APOB: variants seen among roughly 807,000 people sequenced by gnomAD.
APOB encodes the protein apolipoprotein B-100.
APOB carries 153 observed loss-of-function variants against 314.1 expected under a neutral mutation model. The ratio of observed to expected loss-of-function variants is 0.49; its 90% confidence interval spans 0.43 to 0.56. The LOEUF (loss-of-function observed/expected upper bound fraction) is 0.56. APOB is among the 20% of genes least tolerant of loss of function. The probability of loss-of-function intolerance (pLI) is 0.00; values close to 1 mark genes in which losing one functional copy is unlikely to be tolerated. For synonymous variants in APOB, 2,087 were observed against 2,036.4 expected, an observed-to-expected ratio of 1.02 and a Z score of -0.67; for missense variants, 5,430 against 5,350.7, an observed-to-expected ratio of 1.01 and a Z score of -0.46.
Position 21,033,392 on chromosome 2 carries a change from C to T in APOB, c.1031G>A (p.Arg344Lys), listed in dbSNP as rs989270402. 2 of 1,614,048 alleles carry T rather than the reference C, an allele frequency of 1.2e-6. No individual in the cohort carries two copies. Among genetic ancestry groups the T allele is most frequent in the Non-Finnish European group, 1.7e-6 (2 of 1,180,030 alleles). ...KLTISEQNIQ[R>K]ANLFNKLVTE... is the part of the protein sequence containing the mutation. ...AACCAGCTTATTGAAGAGATTAGCTCTCTGGATATTTTGCTCAGAGATGGT... is the reference window on the plus strand; with the variant it reads ...AACCAGCTTATTGAAGAGATTAGCTTTCTGGATATTTTGCTCAGAGATGGT... Residue 344 changes from arginine to lysine, a missense_variant, in exon 9 of 29, where the codon AGA becomes AAA. Around this residue, in one of 3 missense-constraint regions of APOB, gnomAD observed 2,085 missense variants for 2,079.7 expected, o/e 1.00. Coordinates refer to ENST00000233242, the MANE Select transcript of APOB (RefSeq NM_000384.3).
rs200106845 is a variant in APOB, at chr2:21,010,212, C to T, written c.6656G>A (p.Arg2219His). The change falls in exon 26 of 29, where the codon CGT (arginine) becomes CAT (histidine). Residue 2219 changes from arginine to histidine, a missense_variant. Physicochemically the swap from Arg to His is conservative, Grantham distance 29. Around this residue, in one of 3 missense-constraint regions of APOB, gnomAD observed 3,281 missense variants for 3,171.0 expected, o/e 1.03. Coordinates refer to ENST00000233242, the MANE Select transcript of APOB (RefSeq NM_000384.3). The stretch of plus-strand genomic sequence containing the variant: ...ATGGATTGTTTTTACTAAATTTACA[C>T]GGATATGATAGTGCTCATCAAGACT... The part of the protein sequence containing the change: ...LKSLDEHYHI[R>H]VNLVKTIHDL... The T allele has an allele frequency of 1.2e-4, 194 of 1,588,046 alleles. 1 individual carries two copies. The South Asian group carries it at 1.4e-3, about 11-fold the overall frequency.
At chr2:21,026,722 A>T in intron 15 of APOB, 66 bp downstream of exon 15, 1 of 1,321,320 alleles carries the variant, frequency 7.6e-7, no homozygotes, top group Non-Finnish European at 1.1e-6. Context: ...TTCCATGCTT[A>T]GAAAAGAATT....
chr2:21,041,139 C>T lies in APOB; in HGVS notation c.238-56G>A. 9 of 1,575,114 alleles carry T rather than the reference C, an allele frequency of 5.7e-6. No homozygotes were observed. The South Asian group carries it at 9.1e-5, about 16-fold the overall frequency. On this transcript the variant is annotated intron_variant, in intron 3 of 28. Transcript: ENST00000233242. ...TTGTCTATCAAGAATGAGAGGTGGC[C>T]CCTGAAGCCCAGGGCTTAATCTCTA...
At chr2:21,016,413 G>A in intron 21 of APOB, 26 bp downstream of exon 21, 1 of 1,300,072 alleles carries the variant, frequency 7.7e-7, no homozygotes, top group Non-Finnish European at 1.1e-6. Context: ...TGCAGTGCAG[G>A]TCAGATGACC....
chr2:21,003,096 T>C lies in APOB; in HGVS notation c.12326A>G (p.Gln4109Arg), dbSNP rs757883562. 1 of 1,596,646 alleles carries C rather than the reference T, an allele frequency of 6.3e-7. No individual in the cohort carries two copies. Among genetic ancestry groups the C allele is most frequent in the Non-Finnish European group, 8.5e-7 (1 of 1,170,392 alleles). Reference sequence around the variant, plus strand: ...TTGATAAACCCACTCAGCATTGTTCTGCAGATTTCTTCTCAGCTTTGAAGA... The same window carrying C: ...TTGATAAACCCACTCAGCATTGTTCCGCAGATTTCTTCTCAGCTTTGAAGA... ...EVSSKLRRNL[Q>R]NNAEWVYQGA... The change falls in exon 29 of 29, where the codon CAG becomes CGG. Residue 4109 changes from glutamine to arginine, a missense_variant. Around this residue, in one of 3 missense-constraint regions of APOB, gnomAD observed 3,281 missense variants for 3,171.0 expected, o/e 1.03. Transcript: ENST00000233242.
chr2:21,008,734 G>C lies in APOB; in HGVS notation c.8134C>G (p.Arg2712Gly), dbSNP rs372245645. Residue 2712 changes from arginine (R) to glycine (G), a missense_variant, in exon 26 of 29, where the codon CGT (arginine) becomes GGT (glycine). This residue lies in a region of APOB where 3,281 missense variants were observed against 3,171.0 expected (regional missense o/e 1.03). Coordinates refer to ENST00000233242, the MANE Select transcript of APOB (RefSeq NM_000384.3). Reference protein sequence around the residue: ...PLARITLPDFRLPEIAIPEFI... With the variant: ...PLARITLPDFGLPEIAIPEFI... ...TCTGGAATTGCGATTTCTGGTAAAC[G>C]GAAGTCTGGCAGGGTGATTCTCGCT... The C allele has an allele frequency of 3.1e-6, 5 of 1,613,922 alleles. No individual in the cohort carries two copies. The highest frequency in any genetic ancestry group is 2.2e-5 in the East Asian group (1 of 44,882).
chr2:21,033,512 T>C lies in APOB; in HGVS notation c.911A>G (p.Lys304Arg), dbSNP rs1206715687. Reference sequence around the variant, plus strand: ...GCTCTCAAATGCGAGGCCCATCTTCTTAGTACCTGGAAGATGGAAAGTGTC... The same window carrying C: ...GCTCTCAAATGCGAGGCCCATCTTCCTAGTACCTGGAAGATGGAAAGTGTC... The part of the protein sequence containing the change: ...INSRFFGEGT[K>R]KMGLAFESTK... The change falls in exon 9 of 29, where the codon AAG becomes AGG. Residue 304 changes from lysine to arginine, a missense_variant. Lys to Arg is a conservative substitution (Grantham distance 26). Coordinates refer to ENST00000233242, the MANE Select transcript of APOB (RefSeq NM_000384.3). 1 of 1,612,896 alleles carries C rather than the reference T, an allele frequency of 6.2e-7. No individual in the cohort carries two copies. Among genetic ancestry groups the C allele is most frequent in the South Asian group, 1.1e-5 (1 of 91,040 alleles).
At position 21,025,055 on chromosome 2, in the gene APOB, C is replaced by G; in HGVS notation, c.2314G>C (p.Glu772Gln). 6.2e-7 allele frequency: 1 copy of G among 1,614,230 alleles called. No homozygotes were observed. Among genetic ancestry groups the G allele is most frequent in the Non-Finnish European group, 8.5e-7 (1 of 1,180,050 alleles). ...AAGATGCGGAGGTAGGCTCTGGCTTCCGGGACTTCTTTGGATTTCAAATCT... is the reference window on the plus strand; with the variant it reads ...AAGATGCGGAGGTAGGCTCTGGCTTGCGGGACTTCTTTGGATTTCAAATCT... ...IKDLKSKEVP[E>Q]ARAYLRILGE... Residue 772 changes from glutamate to glutamine, a missense_variant, in exon 16 of 29, where the codon GAA becomes CAA. Glu to Gln is a conservative substitution (Grantham distance 29). Around this residue, in one of 3 missense-constraint regions of APOB, gnomAD observed 2,085 missense variants for 2,079.7 expected, o/e 1.00. Transcript: ENST00000233242.
rs2103353320 is a variant in APOB at position 21,007,637 on chromosome 2, A to C, written c.9231T>G (p.Phe3077Leu). 1 of 1,614,112 alleles carries C rather than the reference A, an allele frequency of 6.2e-7. No individual in the cohort carries two copies. The highest frequency in any genetic ancestry group is 1.1e-5 in the South Asian group (1 of 91,082). ...KIDFLNNYALFLSPSAQQASW... is the reference protein window; with the variant it reads ...KIDFLNNYALLLSPSAQQASW... ...TTGCTTGCTGGGCACTGGGACTCAG[A>C]AACAGTGCATAGTTATTCAGGAAGT... Residue 3077 changes from phenylalanine to leucine, a missense_variant, in exon 26 of 29, where the codon TTT becomes TTG. Phe to Leu is a conservative substitution (Grantham distance 22, BLOSUM62 0). Around this residue, in one of 3 missense-constraint regions of APOB, gnomAD observed 3,281 missense variants for 3,171.0 expected, o/e 1.03. Coordinates refer to ENST00000233242, the MANE Select transcript of APOB (RefSeq NM_000384.3).
In APOB at chr2:21,029,958, C is replaced by T. The variant is rs368305590; in HGVS notation, c.1410G>A (p.Leu470=). The T allele has an allele frequency of 1.9e-6, 3 of 1,614,016 alleles. 1 individual carries two copies. The African/African-American group carries it at 4.0e-5, about 22-fold the overall frequency. ...TQELLDIANY[L]MEQIQDDCTG... The stretch of plus-strand genomic sequence containing the variant: ...TGCAGTCATCTTGAATCTGTTCCAT[C>T]AGGTAATTAGCAATGTCCAGCAGCT... The change falls in exon 11 of 29, where the codon CTG becomes CTA. Residue 470 remains leucine (L), a synonymous_variant. Coordinates refer to ENST00000233242, the MANE Select transcript of APOB (RefSeq NM_000384.3).
Position 21,012,418 on chromosome 2 carries a change from C to G in APOB, c.4450G>C (p.Val1484Leu). Residue 1484 changes from valine (V) to leucine (L), a missense_variant, in exon 26 of 29, where the codon GTC (valine) becomes CTC (leucine). By Grantham distance (32) the Val-to-Leu change is conservative. Transcript: ENST00000233242. ...ACTCTGAACTGCCCATCAATCTTGA[C>G]TTCTTTGACAAACAAATGCTGTTTC... ...KKKQHLFVKE[V>L]KIDGQFRVSS... 1 of 1,614,184 alleles carries G rather than the reference C, an allele frequency of 6.2e-7. No individual in the cohort carries two copies. The highest frequency in any genetic ancestry group is 1.1e-5 in the South Asian group (1 of 91,082).
Position 21,002,019 on chromosome 2 carries a change from T to G in APOB, c.13403A>C (p.Glu4468Ala), listed in dbSNP as rs1339272528. The G allele has an allele frequency of 6.2e-7, 1 of 1,614,038 alleles. No individual in the cohort carries two copies. The highest frequency in any genetic ancestry group is 8.5e-7 in the Non-Finnish European group (1 of 1,179,986). Residue 4468 changes from glutamate to alanine, a missense_variant, in exon 29 of 29, where the codon GAG becomes GCG. This residue lies in a region of APOB where 3,281 missense variants were observed against 3,171.0 expected (regional missense o/e 1.03). Coordinates refer to ENST00000233242, the MANE Select transcript of APOB (RefSeq NM_000384.3). ...PDGKGKEKIA[E>A]LSATAQEIIK... Reference sequence around the variant, plus strand: ...TATTTCCTGAGCAGTGGCAGAAAGCTCTGCAATCTTCTCTTTCCCTTTTCC... The same window carrying G: ...TATTTCCTGAGCAGTGGCAGAAAGCGCTGCAATCTTCTCTTTCCCTTTTCC...
Position 21,034,845 on chromosome 2 carries a change from G to T in APOB, c.875C>A (p.Pro292Gln). ...VTQTLKLEDT[P>Q]KINSRFFGEG... ...ACCAAAGAAGCGGCTGTTGATCTTT[G>T]GTGTGTCTTCAAGTTTCAAAGTCTG... Residue 292 changes from proline (P) to glutamine (Q), a missense_variant, in exon 8 of 29, where the codon CCA becomes CAA. Physicochemically the swap from Pro to Gln is moderately conservative, Grantham distance 76. Around this residue, in one of 3 missense-constraint regions of APOB, gnomAD observed 2,085 missense variants for 2,079.7 expected, o/e 1.00. Coordinates refer to ENST00000233242, the MANE Select transcript of APOB (RefSeq NM_000384.3). The T allele has an allele frequency of 6.2e-7, 1 of 1,605,336 alleles. No homozygotes were observed. Among genetic ancestry groups the T allele is most frequent in the Non-Finnish European group, 8.5e-7 (1 of 1,172,006 alleles).
chr2:21,020,519 G>T (rs1223422052), intron 18 of APOB, among the ~76,000 whole-genome samples: 1 of 152,140 alleles, frequency 6.6e-6, no homozygotes, highest in African/African-American at 2.4e-5. Context: ...CATCCAATGG[G>T]CATATTTAGG....
chr2:21,041,209 G>T, intron 3 of APOB, 126 bp from the exon 4 acceptor site: 2 of 944,354 alleles, frequency 2.1e-6, no homozygotes, highest in Non-Finnish European at 3.3e-6. Flanking sequence ...CACTGCCTGC[G>T]CCTCAACACC....
At chr2:21,027,024 G>A (rs1009466787) in intron 14 of APOB, 60 bp from the exon 15 acceptor site, 1 of 1,492,488 alleles carries the variant, frequency 6.7e-7, no homozygotes, top group Non-Finnish European at 9.3e-7. Context: ...TGCCAGCCTA[G>A]TAGTCCCCAC....
At chr2:21,040,476 C>T (rs1054636911) in intron 4 of APOB, among the ~76,000 whole-genome samples, 6 of 152,160 alleles carry the variant, frequency 3.9e-5, no homozygotes, top group Admixed American at 2.6e-4. Context: ...GCTGCAGTGG[C>T]CGATCAGCGT....
chr2:21,040,261 C>T (rs1461113789), intron 4 of APOB, among the ~76,000 whole-genome samples: 1 of 152,202 alleles, frequency 6.6e-6, no homozygotes, highest in Non-Finnish European at 1.5e-5. Flanking sequence ...GTAAATTGCC[C>T]AGTCTCAGGT....
rs72653101 is a variant in APOB at position 21,007,547 on chromosome 2, G to C, written c.9321C>G (p.Asn3107Lys). Reference sequence around the variant, plus strand: ...CTACATGGGCCTCCATAATGTTCTCGTTGTTTCCAGCAGAGAAATTTTGGT... The same window carrying C: ...CTACATGGGCCTCCATAATGTTCTCCTTGTTTCCAGCAGAGAAATTTTGGT... ...KYNQNFSAGN[N>K]ENIMEAHVGI... The change falls in exon 26 of 29, where the codon AAC (asparagine) becomes AAG (lysine). Residue 3107 changes from asparagine (N) to lysine (K), a missense_variant. Physicochemically the swap from Asn to Lys is moderately conservative, Grantham distance 94 (BLOSUM62 0). Transcript: ENST00000233242. 3.1e-6 allele frequency: 5 copies of C among 1,613,886 alleles called. No homozygotes were observed. In the African/African-American group the frequency reaches 6.7e-5, roughly 22 times the overall value.
Sources: gnomAD v4.1 joint callset for allele counts (sites outside exome capture counted in the v4.1 genomes callset) on GRCh38, gnomAD v4.1.1 for gene constraint, gnomAD v4.1.1 regional missense constraint, MANE v1.5 for transcripts, NCBI Gene and HGNC (gene_info 2026-07-23, HGNC 2026-07-21) for gene names.